Variants in SRPK2 observed in about 807,000 individuals in gnomAD.
SRPK2 encodes SRSF protein kinase 2.
A neutral mutation model predicts 90.8 loss-of-function variants in SRPK2; 21 were observed. That is an observed-to-expected ratio of 0.23 (90% CI 0.16 to 0.33). The LOEUF (loss-of-function observed/expected upper bound fraction) is 0.33, where lower values mean the gene tolerates loss of function less well. Ranked by LOEUF, SRPK2 falls within the 10% of genes least tolerant of loss-of-function variation. The pLI is 1.00. For missense variants in SRPK2, 620 were observed against 869.0 expected (o/e 0.71, Z 3.60); for synonymous variants, 288 against 311.1 (o/e 0.93, Z 0.78).
intron 2 of SRPK2, among the ~76,000 whole-genome samples, chr7:105,379,434 C>T (rs1038321493): frequency 6.6e-6 from 1 of 151,958 alleles, no homozygotes; most frequent in Admixed American, 6.6e-5. Context: ...GTCCCAGAAC[C>T]AATCCTCCAA....
intron 2 of SRPK2, among the ~76,000 whole-genome samples, chr7:105,318,257 G>C (rs777380528): frequency 6.6e-6 from 1 of 151,962 alleles, no homozygotes; most frequent in African/African-American, 2.4e-5. Flanking sequence ...AGGTCGCCCA[G>C]CTAATTTTTG....
At chr7:105,170,889 AAGAAAGAAAGAAAGAAAGAAAGAAAGG>A (rs1790870104) in intron 3 of SRPK2, among the ~76,000 whole-genome samples, 1 of 129,060 alleles carries the variant, frequency 7.7e-6, no homozygotes, top group Non-Finnish European at 1.7e-5. Context: ...GAAAGAAAGA[AAGAAAGAAAGAAAGAAAGAAAGAAAGG>A]AGAAAGAAAA....
intron 2 of SRPK2, among the ~76,000 whole-genome samples, chr7:105,373,018 G>A (rs1819871285): frequency 6.6e-6 from 1 of 152,164 alleles, no homozygotes; most frequent in African/African-American, 2.4e-5. Context: ...GAACCCAGGA[G>A]GCGGAGGTTG....
At chr7:105,380,565 C>G (rs1261664322) in intron 2 of SRPK2, among the ~76,000 whole-genome samples, 2 of 149,968 alleles carry the variant, frequency 1.3e-5, no homozygotes, top group African/African-American at 4.9e-5. Context: ...GCTCTGTCGC[C>G]CAGGCTGGAG....
At chr7:105,328,561 C>CAAAAAA (rs1192103331) in intron 2 of SRPK2, among the ~76,000 whole-genome samples, 2 of 47,218 alleles carry the variant, frequency 4.2e-5, no homozygotes, top group Non-Finnish European at 3.6e-5. Context: ...GGCTCTGTCT[C>CAAAAAA]AAAAAAAAAA....
chr7:105,167,565 T>A, intron 5 of SRPK2, 101 bp from the exon 6 acceptor site: 1 of 611,076 alleles, frequency 1.6e-6, no homozygotes, highest in Non-Finnish European at 2.7e-6. Context: ...TATTTTAAAA[T>A]AAAAAATTCA....
At chr7:105,273,085 G>T (rs1183388307) in intron 2 of SRPK2, among the ~76,000 whole-genome samples, 2 of 151,898 alleles carry the variant, frequency 1.3e-5, no homozygotes, top group African/African-American at 4.8e-5. Flanking sequence ...CGTGGTGGCA[G>T]GCGCCTGTAG....
intron 2 of SRPK2, among the ~76,000 whole-genome samples, chr7:105,295,748 A>G (rs1237383486): frequency 2.0e-5 from 3 of 152,184 alleles, no homozygotes; most frequent in Non-Finnish European, 4.4e-5. Context: ...CACTTCAAAA[A>G]TGTGGTTAAG....
intron 2 of SRPK2, among the ~76,000 whole-genome samples, chr7:105,332,213 T>G (rs757543427): frequency 1.3e-5 from 2 of 151,842 alleles, no homozygotes; most frequent in Non-Finnish European, 2.9e-5. Context: ...CTGAAAAAAC[T>G]AAACAAAACG....
chr7:105,276,675 C>CT (rs1340004998), intron 2 of SRPK2, among the ~76,000 whole-genome samples: 1 of 152,074 alleles, frequency 6.6e-6, no homozygotes, highest in African/African-American at 2.4e-5. Flanking sequence ...GAGGTTGAAG[C>CT]TGCAGTTTAC....
intron 12 of SRPK2, 31 bp from the exon 13 acceptor site, chr7:105,132,929 G>C: frequency 1.9e-6 from 3 of 1,612,532 alleles, no homozygotes; most frequent in Non-Finnish European, 2.5e-6. Flanking sequence ...TTACCACGGA[G>C]CAACACAGAC....
intron 2 of SRPK2, among the ~76,000 whole-genome samples, chr7:105,344,257 C>G (rs960090050): frequency 6.6e-6 from 1 of 150,930 alleles, no homozygotes; most frequent in African/African-American, 2.4e-5. Context: ...AATGAATATG[C>G]TTGTGTTTCA....
chr7:105,140,786 C>A (rs1333264872), intron 11 of SRPK2, among the ~76,000 whole-genome samples: 1 of 151,614 alleles, frequency 6.6e-6, no homozygotes, highest in African/African-American at 2.4e-5. Context: ...CATGGTGAAA[C>A]CCTGTCTCTA....
intron 2 of SRPK2, among the ~76,000 whole-genome samples, chr7:105,372,366 T>C (rs1026637542): frequency 6.6e-6 from 1 of 152,182 alleles, no homozygotes; most frequent in African/African-American, 2.4e-5. Context: ...AAGTAGACAT[T>C]TGACTATTTC....
chr7:105,393,291 C>G (rs527378897), upstream of SRPK2, among the ~76,000 whole-genome samples: 13 of 148,594 alleles, frequency 8.7e-5, no homozygotes, highest in Non-Finnish European at 1.6e-4. Flanking sequence ...CCACCGCGTC[C>G]AGCCTAATTT....
At chr7:105,309,419 C>T (rs927667717) in intron 2 of SRPK2, among the ~76,000 whole-genome samples, 9 of 152,146 alleles carry the variant, frequency 5.9e-5, no homozygotes, top group African/African-American at 2.2e-4. Flanking sequence ...AGCTAAAGGC[C>T]TTGAAAATTC....
intron 2 of SRPK2, among the ~76,000 whole-genome samples, chr7:105,220,601 A>G (rs894807615): frequency 6.6e-6 from 1 of 152,186 alleles, no homozygotes; most frequent in Non-Finnish European, 1.5e-5. Flanking sequence ...TTAAGAAAAA[A>G]AGTCTAGCTT....
chr7:105,346,626 C>T (rs543946974), intron 2 of SRPK2, among the ~76,000 whole-genome samples: 49 of 152,026 alleles, frequency 3.2e-4, no homozygotes, highest in South Asian at 1.5e-3. Context: ...TGGTGGTGTG[C>T]GCCTGTAGTC....
intron 2 of SRPK2, among the ~76,000 whole-genome samples, chr7:105,370,239 C>T (rs1029558115): frequency 6.6e-6 from 1 of 152,128 alleles, no homozygotes; most frequent in Non-Finnish European, 1.5e-5. Flanking sequence ...GAAACTTCGG[C>T]TTCCTGGGGA....
Sources: gnomAD v4.1 joint callset for allele counts (sites outside exome capture counted in the v4.1 genomes callset) on GRCh38, gnomAD v4.1.1 for gene constraint, MANE v1.5 for transcripts, NCBI Gene and HGNC (gene_info 2026-07-23, HGNC 2026-07-21) for gene names.